TLDC2: variants seen among roughly 807,000 people sequenced by gnomAD.
The protein encoded by TLDC2 is TLD domain-containing protein 2.
In TLDC2, 23 loss-of-function variants were observed where a neutral mutation model predicts 27.9. That is an observed-to-expected ratio of 0.82 (90% CI 0.59 to 1.17). TLDC2 has a LOEUF of 1.17. TLDC2 is among the 50% of genes most tolerant of loss of function. The pLI, the probability that TLDC2 is intolerant of heterozygous loss-of-function variation, is 0.00. For missense variants in TLDC2, 286 were observed against 273.4 expected (o/e 1.05, Z -0.32); for synonymous variants, 124 against 107.4 (o/e 1.16, Z -0.96).
intron 4 of TLDC2, among the ~76,000 whole-genome samples, chr20:36,885,371 T>C (rs147555991): frequency 2.6e-5 from 4 of 152,348 alleles, no homozygotes; most frequent in Non-Finnish European, 4.4e-5. Flanking sequence ...CAGTCTATTG[T>C]TATGGAATCT....
At chr20:36,880,496 G>C (rs1360253121) in intron 3 of TLDC2, among the ~76,000 whole-genome samples, 159 bp from the exon 4 acceptor site, 1 of 152,120 alleles carries the variant, frequency 6.6e-6, no homozygotes, top group Non-Finnish European at 1.5e-5. Context: ...GGATGCATAA[G>C]GATTCCTGCT....
At chr20:36,891,360 G>C (rs1990069736) in intron 6 of TLDC2, 1 of 152,366 alleles carries the variant, frequency 6.6e-6, no homozygotes, top group South Asian at 2.1e-4. Flanking sequence ...TGTGGTCTGA[G>C]TTCCCCTACT....
chr20:36,893,070 T>C lies in TLDC2; in HGVS notation c.*226T>C. 6.2e-7 allele frequency: 1 copy of C among 1,612,698 alleles called. No homozygotes were observed. The highest frequency in any genetic ancestry group is 8.5e-7 in the Non-Finnish European group (1 of 1,179,984). ...GTGGGGCTATAACATCGCCATCCTA[T>C]TAGGAAGAGAGAGAAAAACAGGCAA... On this transcript the variant is annotated 3_prime_UTR_variant, in exon 7 of 7. Coordinates refer to ENST00000217320, the MANE Select transcript of TLDC2 (RefSeq NM_080628.3).
chr20:36,877,072 T>C (rs1989686500), intron 1 of TLDC2, among the ~76,000 whole-genome samples: 1 of 152,074 alleles, frequency 6.6e-6, no homozygotes, highest in Admixed American at 6.6e-5. Context: ...TTTCTTCCTT[T>C]GGAAAATGCT....
At chr20:36,888,494 CAGG>C (rs2094826712) in intron 5 of TLDC2, among the ~76,000 whole-genome samples, 1 of 149,368 alleles carries the variant, frequency 6.7e-6, no homozygotes, top group South Asian at 2.1e-4. Context: ...ATCACGAGGT[CAGG>C]AGATCGAGAC....
intron 4 of TLDC2, among the ~76,000 whole-genome samples, chr20:36,883,646 C>G (rs1380574042): frequency 6.6e-6 from 1 of 152,212 alleles, no homozygotes; most frequent in East Asian, 1.9e-4. Context: ...TCTGCCTTCT[C>G]TCTGTCTATA....
intron 1 of TLDC2, 113 bp downstream of exon 1, chr20:36,876,320 T>C: frequency 7.2e-7 from 1 of 1,383,312 alleles, no homozygotes; most frequent in East Asian, 2.3e-5. Flanking sequence ...TGTTCCCCTC[T>C]CAAGTCCCTC....
At position 36,876,255 on chromosome 20, in the gene TLDC2, G is replaced by A. The variant is rs967909467; in HGVS notation, c.33+48G>A. 4.3e-6 allele frequency: 7 copies of A among 1,613,644 alleles called. No individual in the cohort carries two copies. The Admixed American group carries it at 8.3e-5, about 19-fold the overall frequency. On this transcript the variant is annotated intron_variant, in intron 1 of 6. Coordinates refer to ENST00000217320, the MANE Select transcript of TLDC2 (RefSeq NM_080628.3). ...TGGTGCAGGTTGGGAGGTGAAAGGA[G>A]GTGAGGTCTCTGGCAGGGTGGGGCC...
At chr20:36,883,503 T>A (rs543999969) in intron 4 of TLDC2, among the ~76,000 whole-genome samples, 1 of 152,220 alleles carries the variant, frequency 6.6e-6, no homozygotes, top group East Asian at 1.9e-4. Context: ...CAAAGCCTCC[T>A]CCTCCTGCTA....
At chr20:36,884,875 CTTTTT>C (rs11480944) in intron 4 of TLDC2, among the ~76,000 whole-genome samples, 5 of 103,228 alleles carry the variant, frequency 4.8e-5, no homozygotes, top group Non-Finnish European at 9.1e-5. Context: ...CACAGAAATT[CTTTTT>C]TTTTTTTTTT....
chr20:36,893,145 T>C lies in TLDC2; in HGVS notation c.*301T>C. On this transcript the variant is annotated 3_prime_UTR_variant, in exon 7 of 7. Coordinates refer to ENST00000217320, the MANE Select transcript of TLDC2 (RefSeq NM_080628.3). ...CTTATTTCTGAGTGAAAGTCTCAAG[T>C]GCGCACATCCTCATCTTGCATATAG... 1 of 1,544,854 alleles carries C rather than the reference T, an allele frequency of 6.5e-7. No homozygotes were observed.
chr20:36,886,733 A>C (rs1989929968), intron 4 of TLDC2, among the ~76,000 whole-genome samples: 1 of 152,130 alleles, frequency 6.6e-6, no homozygotes, highest in Non-Finnish European at 1.5e-5. Flanking sequence ...AGCTGGGATT[A>C]CAAGTGCACA....
Position 36,876,159 on chromosome 20 carries a change from G to A in TLDC2, c.-16G>A. 1 of 1,614,150 alleles carries A rather than the reference G, an allele frequency of 6.2e-7. No homozygotes were observed. Among genetic ancestry groups the A allele is most frequent in the South Asian group, 1.1e-5 (1 of 91,078 alleles). On this transcript the variant is annotated 5_prime_UTR_variant, in exon 1 of 7. Transcript: ENST00000217320. ...ATTCACTCACTGCCCACGGCCGGCTGAGCAGGGACAGGAGAATGAGAGGCC... is the reference window on the plus strand; with the variant it reads ...ATTCACTCACTGCCCACGGCCGGCTAAGCAGGGACAGGAGAATGAGAGGCC...
rs567155993 is a variant in TLDC2, at chr20:36,890,131, A to C, written c.*17+728A>C. 6 of 152,290 alleles carry C rather than the reference A, an allele frequency of 3.9e-5. No homozygotes were observed. In the East Asian group the frequency reaches 1.2e-3, roughly 29 times the overall value. 9.4% of individuals were successfully genotyped at this position (152,290 alleles called of 1,614,324 possible). Reference sequence around the variant, plus strand: ...CAGGTGCTTGTGAGTCTGTTATTTAATTTCACAATGAAGGTATGAAAGGAG... The same window carrying C: ...CAGGTGCTTGTGAGTCTGTTATTTACTTTCACAATGAAGGTATGAAAGGAG... On this transcript the variant is annotated intron_variant, in intron 6 of 6. Transcript: ENST00000217320.
rs1157043270 is a variant in TLDC2 at position 36,894,121 on chromosome 20, T to A, written c.*1277T>A. The A allele has an allele frequency of 2.5e-6, 1 of 395,824 alleles. No individual in the cohort carries two copies. The highest frequency in any genetic ancestry group is 3.6e-5 in the East Asian group (1 of 27,924). 24.5% of individuals were successfully genotyped at this position (395,824 alleles called of 1,614,324 possible). On this transcript the variant is annotated 3_prime_UTR_variant, in exon 7 of 7. Transcript: ENST00000217320. ...GCTTCCTGCTGTTGAATCACTGTCC[T>A]CTATGCTCATTTAGCTCTGCCAAAA...
chr20:36,876,189 C>T lies in TLDC2; in HGVS notation c.15C>T (p.Arg5=). 1.2e-6 allele frequency: 2 copies of T among 1,614,180 alleles called. No homozygotes were observed. The highest frequency in any genetic ancestry group is 1.1e-5 in the South Asian group (1 of 91,080). MRGL[R]WRYTRLPSQV... ...GGGACAGGAGAATGAGAGGCCTCCG[C>T]TGGCGTTACACTCGGCTGGTAAGGG... The change falls in exon 1 of 7, where the codon CGC becomes CGT. Residue 5 remains arginine, a synonymous_variant. Transcript: ENST00000217320.
chr20:36,879,434 C>T (rs911244316), intron 3 of TLDC2, among the ~76,000 whole-genome samples: 6 of 152,172 alleles, frequency 3.9e-5, no homozygotes, highest in Non-Finnish European at 8.8e-5. Context: ...GCAGAATCAA[C>T]CCAGAAGAGG....
chr20:36,892,303 G>A lies in TLDC2; in HGVS notation c.*18-559G>A, dbSNP rs8124728. On this transcript the variant is annotated intron_variant, in intron 6 of 6. Coordinates refer to ENST00000217320, the MANE Select transcript of TLDC2 (RefSeq NM_080628.3). Reference sequence around the variant, plus strand: ...TAGGGGGCTAGAAGGGTGAGGGGAGGTGTCTTTCACTTATGCTTAGGTCAC... The same window carrying A: ...TAGGGGGCTAGAAGGGTGAGGGGAGATGTCTTTCACTTATGCTTAGGTCAC... 7,502 of 158,314 alleles carry A rather than the reference G, an allele frequency of 0.047. 605 individuals carry two copies. The highest frequency in any genetic ancestry group is 0.17 in the African/African-American group (7,200 of 41,508). 9.8% of individuals were successfully genotyped at this position (158,314 alleles called of 1,614,324 possible). A position where few individuals can be genotyped will look rare whatever the true frequency, so the allele number is the denominator to read the frequency against.
rs567585903 is a variant in TLDC2, at chr20:36,878,810, C to A, written c.190-231C>A. ...ATTCACTACCCATGCGAGCTTTGGG[C>A]TAGTTGTTCCACCCTCCCTGGGCCT... On this transcript the variant is annotated intron_variant, in intron 2 of 6. Transcript: ENST00000217320. 2.0e-5 allele frequency among the ~76,000 whole-genome samples: 3 copies of A among 152,164 alleles called. No individual in the cohort carries two copies. In the South Asian group the frequency reaches 6.2e-4, roughly 32 times the overall value.
Sources: allele counts gnomAD v4.1 joint callset (sites outside exome capture counted in the v4.1 genomes callset), GRCh38; gene constraint gnomAD v4.1.1; transcripts MANE v1.5; gene names NCBI Gene and HGNC (gene_info 2026-07-23, HGNC 2026-07-21).